GADL1: variants seen among roughly 807,000 people sequenced by gnomAD.
The protein encoded by GADL1 is GAD like acidic amino acid decarboxylase 1.
Under a neutral mutation model 69.5 loss-of-function variants are expected in GADL1, and 71 were observed. That is an observed-to-expected ratio of 1.02 (90% CI 0.84 to 1.25). GADL1 has a LOEUF of 1.25. GADL1 is among the 50% of genes most tolerant of loss of function. GADL1 has a pLI of 0.00. For missense variants in GADL1, 737 were observed against 631.8 expected, an observed-to-expected ratio of 1.17 and a Z score of -1.79; for synonymous variants, 254 against 214.4, an observed-to-expected ratio of 1.18 and a Z score of -1.62.
Position 30,815,783 on chromosome 3 carries a change from C to T in GADL1, c.1051-14695G>A, listed in dbSNP as rs188938924. Among the ~76,000 whole-genome samples the T allele has an allele frequency of 7.0e-4, 106 of 152,278 alleles. 2 individuals carry two copies. Among genetic ancestry groups the T allele is most frequent in the Middle Eastern group, 3.4e-3 (1 of 294 alleles). On this transcript the variant is annotated intron_variant, in intron 11 of 14. Coordinates refer to ENST00000282538, the MANE Select transcript of GADL1 (RefSeq NM_207359.3). ...TGTTTTCTATTTCTGTACACTGTTA[C>T]GGCTTTACAATTCAGTTTTAGGTGG...
At chr3:30,865,937 A>C (rs564452083) in intron 1 of GADL1, among the ~76,000 whole-genome samples, 1 of 152,078 alleles carries the variant, frequency 6.6e-6, no homozygotes, top group African/African-American at 2.4e-5. Flanking sequence ...TAGCTTCCAA[A>C]ATTCTGTATA....
chr3:30,791,050 C>T (rs956380111), intron 12 of GADL1, among the ~76,000 whole-genome samples: 5 of 151,256 alleles, frequency 3.3e-5, no homozygotes, highest in Admixed American at 1.3e-4. Flanking sequence ...TGGAAGGATA[C>T]GTCATAAATT....
At chr3:30,886,758 C>T (rs1041121342) in intron 1 of GADL1, among the ~76,000 whole-genome samples, 5 of 152,134 alleles carry the variant, frequency 3.3e-5, no homozygotes, top group African/African-American at 1.2e-4. Context: ...TTCTGGGTCC[C>T]AATCTATATT....
chr3:30,851,225 G>A (rs568741974), intron 4 of GADL1, among the ~76,000 whole-genome samples: 4 of 152,280 alleles, frequency 2.6e-5, no homozygotes, highest in South Asian at 4.1e-4. Context: ...ATGCATTTGC[G>A]TGCTATGTAT....
intron 11 of GADL1, among the ~76,000 whole-genome samples, chr3:30,804,090 C>A (rs1016072076): frequency 3.9e-5 from 6 of 152,112 alleles, no homozygotes; most frequent in African/African-American, 1.4e-4. Context: ...TGTACAGTGG[C>A]AAATGAGGTT....
intron 1 of GADL1, among the ~76,000 whole-genome samples, chr3:30,871,900 T>C (rs1698488218): frequency 6.6e-6 from 1 of 150,510 alleles, no homozygotes; most frequent in African/African-American, 2.5e-5. Context: ...CTTATTTTAA[T>C]TTCAGTAATG....
At chr3:30,768,036 C>T (rs572746276) in intron 14 of GADL1, among the ~76,000 whole-genome samples, 909 of 5,278 alleles carry the variant, frequency 0.17, 8 homozygotes, top group Non-Finnish European at 0.2. Flanking sequence ...ACTCCCCATA[C>T]CCCCCCCCCC....
chr3:30,893,254 TAA>T (rs765173563), intron 1 of GADL1, among the ~76,000 whole-genome samples: 5 of 152,238 alleles, frequency 3.3e-5, no homozygotes, highest in Non-Finnish European at 5.9e-5. Context: ...TTCTTCTTTT[TAA>T]GTTTTATTGT....
intron 1 of GADL1, among the ~76,000 whole-genome samples, chr3:30,883,137 A>G (rs1054075276): frequency 6.6e-6 from 1 of 151,912 alleles, no homozygotes; most frequent in Admixed American, 6.6e-5. Flanking sequence ...TTGGTGCACA[A>G]AAGGTTTTAC....
At chr3:30,833,166 A>T (rs548724390) in intron 11 of GADL1, among the ~76,000 whole-genome samples, 1 of 152,210 alleles carries the variant, frequency 6.6e-6, no homozygotes, top group African/African-American at 2.4e-5. Flanking sequence ...GGCATTTCTA[A>T]GAATGAAGTA....
At chr3:30,875,305 A>G (rs1698562670) in intron 1 of GADL1, among the ~76,000 whole-genome samples, 1 of 151,860 alleles carries the variant, frequency 6.6e-6, no homozygotes, top group Admixed American at 6.6e-5. Context: ...AGGATTCTGA[A>G]ACCAATTTTG....
chr3:30,733,417 T>C (rs1695494440), intron 14 of GADL1, among the ~76,000 whole-genome samples: 1 of 152,134 alleles, frequency 6.6e-6, no homozygotes, highest in South Asian at 2.1e-4. Context: ...TGTGTCCCAC[T>C]TTCTATGTCA....
At chr3:30,739,505 G>T (rs1014161081) in intron 14 of GADL1, among the ~76,000 whole-genome samples, 6 of 152,270 alleles carry the variant, frequency 3.9e-5, no homozygotes, top group Admixed American at 3.9e-4. Context: ...TTTGAATACA[G>T]TTGTTCATTA....
At chr3:30,829,087 GC>G (rs1697742640) in intron 11 of GADL1, among the ~76,000 whole-genome samples, 1 of 151,724 alleles carries the variant, frequency 6.6e-6, no homozygotes, top group African/African-American at 2.4e-5. Context: ...AGAATATATT[GC>G]CTTTTATTTT....
intron 8 of GADL1, among the ~76,000 whole-genome samples, chr3:30,843,536 G>A (rs956125705): frequency 6.6e-6 from 1 of 152,162 alleles, no homozygotes; most frequent in African/African-American, 2.4e-5. Flanking sequence ...GATTACAGGC[G>A]TGAGCCACCG....
chr3:30,728,368 C>A lies in GADL1; in HGVS notation c.1440G>T (p.Met480Ile), dbSNP rs1695401537. Residue 480 changes from methionine to isoleucine, a missense_variant, in exon 15 of 15, where the codon ATG becomes ATT. Physicochemically the swap from Met to Ile is conservative, Grantham distance 10. Transcript: ENST00000282538. ...KERMMKKGSL[M>I]LGYQPHRGKV... is the part of the protein sequence containing the mutation. ...TTCCCCGGTGCGGCTGGTAGCCCAG[C>A]ATCAAGCTTCCCTTCTTCATCATCC... is the stretch of plus-strand genomic sequence containing the variant. 6.2e-7 allele frequency: 1 copy of A among 1,613,852 alleles called. No individual in the cohort carries two copies. Among genetic ancestry groups the A allele is most frequent in the East Asian group, 2.2e-5 (1 of 44,832 alleles).
intron 11 of GADL1, among the ~76,000 whole-genome samples, chr3:30,820,575 A>G (rs187333357): frequency 2.3e-4 from 35 of 152,314 alleles, no homozygotes; most frequent in African/African-American, 7.0e-4. Flanking sequence ...TTTAAAAAAT[A>G]AAATATAAAA....
intron 1 of GADL1, among the ~76,000 whole-genome samples, chr3:30,885,139 C>T (rs919367195): frequency 1.3e-4 from 20 of 152,020 alleles, no homozygotes; most frequent in African/African-American, 4.6e-4. Context: ...GTAATTCTGG[C>T]GTGTTCCTTA....
At chr3:30,753,502 A>G (rs1695885689) in intron 14 of GADL1, among the ~76,000 whole-genome samples, 1 of 121,772 alleles carries the variant, frequency 8.2e-6, no homozygotes, top group South Asian at 2.8e-4. Flanking sequence ...TTAAGGAAGG[A>G]TAGTTTCTTT....
Sources: allele counts gnomAD v4.1 joint callset (sites outside exome capture counted in the v4.1 genomes callset), GRCh38; gene constraint gnomAD v4.1.1; transcripts MANE v1.5; gene names NCBI Gene and HGNC (gene_info 2026-07-23, HGNC 2026-07-21).